Variants in ZYG11A observed in about 807,000 individuals in gnomAD.
The protein encoded by ZYG11A is zyg-11 family member A, cell cycle regulator, also known as protein zyg-11 homolog A.
ZYG11A carries 62 observed loss-of-function variants against 77.2 expected under a neutral mutation model. That is an observed-to-expected ratio of 0.80 (90% confidence interval 0.65 to 0.99). ZYG11A has a LOEUF of 0.99. ZYG11A is among the 50% of genes least tolerant of loss of function. The pLI, the probability that ZYG11A is intolerant of heterozygous loss-of-function variation, is 0.00. For synonymous variants in ZYG11A, 315 were observed against 324.6 expected (o/e 0.97, Z 0.32); for missense variants, 828 against 896.8 (o/e 0.92, Z 0.98).
At chr1:52,871,585 C>T (rs578173374) in intron 8 of ZYG11A, among the ~76,000 whole-genome samples, 2 of 151,794 alleles carry the variant, frequency 1.3e-5, no homozygotes, top group East Asian at 3.9e-4. Flanking sequence ...CAACCTCTGT[C>T]TCCCGGGTTC....
At chr1:52,885,342 G>GT (rs34626674) in intron 11 of ZYG11A, among the ~76,000 whole-genome samples, 7,272 of 138,510 alleles carry the variant, frequency 0.053, 263 homozygotes, top group African/African-American at 0.11. Context: ...TTGGGTTTTT[G>GT]TTTTTTTTTT....
chr1:52,847,056 C>G (rs1398767492), intron 1 of ZYG11A, among the ~76,000 whole-genome samples: 1 of 151,378 alleles, frequency 6.6e-6, no homozygotes, highest in African/African-American at 2.4e-5. Flanking sequence ...CTGTGTTAGC[C>G]AGGATGGTCT....
In ZYG11A at chr1:52,842,984, G is replaced by A. The variant is rs760531623; in HGVS notation, c.90+11G>A. On this transcript the variant is annotated intron_variant, in intron 1 of 13. Transcript: ENST00000371528. ...TGCTGCGTGGTACAGGTGAGCACCG[G>A]GGTGCGGGCGGCGACGCGGACCTCG... is the stretch of plus-strand genomic sequence containing the variant. 6.6e-7 allele frequency: 1 copy of A among 1,508,910 alleles called. No individual in the cohort carries two copies. 93.5% of individuals were successfully genotyped at this position (1,508,910 alleles called of 1,614,324 possible). A position where few individuals can be genotyped will look rare whatever the true frequency, so the allele number is the denominator to read the frequency against.
At chr1:52,845,996 A>G (rs1203820020) in intron 1 of ZYG11A, among the ~76,000 whole-genome samples, 1 of 151,734 alleles carries the variant, frequency 6.6e-6, no homozygotes, top group Non-Finnish European at 1.5e-5. Context: ...AATTATCAGT[A>G]TTGTTGGGGT....
At chr1:52,859,904 C>G (rs1245371253) in intron 3 of ZYG11A, among the ~76,000 whole-genome samples, 1 of 151,980 alleles carries the variant, frequency 6.6e-6, no homozygotes, top group Non-Finnish European at 1.5e-5. Context: ...TCTTGAACTC[C>G]TGACCTCAGG....
chr1:52,856,470 A>T (rs1400528291), intron 2 of ZYG11A, among the ~76,000 whole-genome samples: 17 of 152,106 alleles, frequency 1.1e-4, no homozygotes, highest in Non-Finnish European at 4.4e-5. Flanking sequence ...AAAAAAAAAA[A>T]AAAAAAAATA....
intron 11 of ZYG11A, among the ~76,000 whole-genome samples, chr1:52,884,866 G>A (rs567746651): frequency 3.3e-5 from 5 of 151,998 alleles, no homozygotes; most frequent in East Asian, 1.9e-4. Flanking sequence ...CGGGGAGTCC[G>A]AATCCTTTGA....
chr1:52,843,685 TTTC>T (rs1304763942), intron 1 of ZYG11A, among the ~76,000 whole-genome samples: 1 of 112,852 alleles, frequency 8.9e-6, no homozygotes, highest in African/African-American at 3.6e-5. Flanking sequence ...CTTTTCTTTC[TTTC>T]TTTTTTTTTT....
intron 8 of ZYG11A, among the ~76,000 whole-genome samples, chr1:52,875,760 C>T (rs1390622898): frequency 6.7e-6 from 1 of 149,406 alleles, no homozygotes; most frequent in African/African-American, 2.5e-5. Flanking sequence ...AAGATGTTTG[C>T]TTTAGTTTGG....
chr1:52,879,114 G>A (rs1646317718), intron 10 of ZYG11A, among the ~76,000 whole-genome samples: 1 of 151,910 alleles, frequency 6.6e-6, no homozygotes, highest in East Asian at 1.9e-4. Flanking sequence ...TCTCAATCAA[G>A]GTATTCTACA....
Position 52,842,789 on chromosome 1 carries a change from G to T in ZYG11A, c.-95G>T. On this transcript the variant is annotated 5_prime_UTR_variant, in exon 1 of 14. Transcript: ENST00000371528. ...GCTCCGTGTGCCTCGCAGGCGTGGT[G>T]GGCGCGTCCTGGCAGCCGCCCGCTT... 8.3e-7 allele frequency: 1 copy of T among 1,211,770 alleles called. No homozygotes were observed. Among genetic ancestry groups the T allele is most frequent in the Non-Finnish European group, 1.2e-6 (1 of 866,202 alleles). The allele number at this position is 1,211,770 out of a possible 1,614,324, so 75.1% of individuals were successfully genotyped here.
chr1:52,866,645 T>G, intron 6 of ZYG11A, 78 bp downstream of exon 6: 4 of 862,852 alleles, frequency 4.6e-6, no homozygotes, highest in Non-Finnish European at 7.5e-6. Context: ...AAGGCTGGGA[T>G]AAGGTGTTTG....
intron 4 of ZYG11A, among the ~76,000 whole-genome samples, chr1:52,861,476 G>GT (rs1366924761): frequency 2.0e-5 from 3 of 152,112 alleles, no homozygotes; most frequent in Non-Finnish European, 4.4e-5. Flanking sequence ...GCCGAAGCGG[G>GT]TGGATCACGA....
At chr1:52,865,295 A>G (rs1000222776) in intron 5 of ZYG11A, among the ~76,000 whole-genome samples, 9 of 152,174 alleles carry the variant, frequency 5.9e-5, no homozygotes, top group Non-Finnish European at 8.8e-5. Flanking sequence ...AGACTGGGAA[A>G]CATGTTCATT....
chr1:52,862,054 C>G (rs572156687), intron 4 of ZYG11A, among the ~76,000 whole-genome samples: 9 of 151,804 alleles, frequency 5.9e-5, no homozygotes, highest in African/African-American at 2.2e-4. Flanking sequence ...ACTAAAAATA[C>G]AAAAATTAGC....
chr1:52,874,935 T>A (rs1454558673), intron 8 of ZYG11A, among the ~76,000 whole-genome samples: 1 of 152,232 alleles, frequency 6.6e-6, no homozygotes, highest in African/African-American at 2.4e-5. Context: ...CATTATAGTG[T>A]AAACATAGCT....
chr1:52,868,324 G>A (rs1341392032), intron 8 of ZYG11A, among the ~76,000 whole-genome samples: 3 of 152,050 alleles, frequency 2.0e-5, no homozygotes, highest in Admixed American at 1.3e-4. Flanking sequence ...GCAGTTTTAG[G>A]TGTTACTGAT....
In ZYG11A at chr1:52,892,937, C is replaced by G; in HGVS notation, c.2260C>G (p.Leu754Val). 6.4e-7 allele frequency: 1 copy of G among 1,551,842 alleles called. No individual in the cohort carries two copies. The highest frequency in any genetic ancestry group is 8.7e-7 in the Non-Finnish European group (1 of 1,147,026). Residue 754 changes from leucine (L) to valine (V), a missense_variant, in exon 14 of 14, where the codon CTG becomes GTG. Leu to Val is a conservative substitution (Grantham distance 32). Transcript: ENST00000371528. ...MHFMNYQRPT[L>V]CQMPF is the part of the protein sequence containing the mutation. ...TTTCATGAATTATCAGAGGCCCACTCTGTGTCAAATGCCCTTCTGAACCTA... is the reference window on the plus strand; with the variant it reads ...TTTCATGAATTATCAGAGGCCCACTGTGTGTCAAATGCCCTTCTGAACCTA...
chr1:52,881,244 G>A (rs377589969), intron 10 of ZYG11A: 1 of 391,042 alleles, frequency 2.6e-6, no homozygotes, highest in East Asian at 4.1e-5. Flanking sequence ...TATTTATCTA[G>A]TACTGTGCCT....
Sources: allele counts gnomAD v4.1 joint callset (sites outside exome capture counted in the v4.1 genomes callset), GRCh38; gene constraint gnomAD v4.1.1; transcripts MANE v1.5; gene names NCBI Gene and HGNC (gene_info 2026-07-23, HGNC 2026-07-21).